HPD: variants seen among roughly 807,000 people sequenced by gnomAD.
HPD encodes the protein 4-hydroxyphenylpyruvate dioxygenase, also known as 4-hydroxyphenylpyruvic acid oxidase.
HPD carries 35 observed loss-of-function variants against 56.9 expected under a neutral mutation model. That is an observed-to-expected ratio of 0.62 (90% confidence interval 0.47 to 0.82). The LOEUF (loss-of-function observed/expected upper bound fraction) is 0.82, where lower values mean the gene tolerates loss of function less well. HPD is among the 40% of genes least tolerant of loss of function. The pLI, the probability that HPD is intolerant of heterozygous loss-of-function variation, is 0.00. For missense variants in HPD, 442 were observed against 506.8 expected (o/e 0.87, Z 1.23); for synonymous variants, 186 against 200.2 (o/e 0.93, Z 0.60).
At position 121,856,590 on chromosome 12, in the gene HPD, C is replaced by A. The variant is rs751690281; in HGVS notation, c.234G>T (p.Trp78Cys). The A allele has an allele frequency of 6.2e-7, 1 of 1,614,108 alleles. No individual in the cohort carries two copies. The highest frequency in any genetic ancestry group is 2.2e-5 in the East Asian group (1 of 44,878). Residue 78 changes from tryptophan to cysteine, a missense_variant, in exon 5 of 14, where the codon TGG (tryptophan) becomes TGT (cysteine). Physicochemically the swap from Trp to Cys is radical, Grantham distance 215. Coordinates refer to ENST00000289004, the MANE Select transcript of HPD (RefSeq NM_002150.3). ...CCTCCCCGGGCACCTCACCTTTGTTCCAGGGGTTGAGCGCTGAGGAGAGGA... is the reference window on the plus strand; with the variant it reads ...CCTCCCCGGGCACCTCACCTTTGTTACAGGGGTTGAGCGCTGAGGAGAGGA... The part of the protein sequence containing the change: ...VFVLSSALNP[W>C]NKEMGDHLVK...
chr12:121,846,043 G>T (rs1378350654), intron 11 of HPD, among the ~76,000 whole-genome samples: 1 of 152,070 alleles, frequency 6.6e-6, no homozygotes, highest in Non-Finnish European at 1.5e-5. Context: ...AGGACTACAG[G>T]CATGAACCAC....
chr12:121,843,654 T>A, intron 12 of HPD, 56 bp downstream of exon 12: 1 of 1,605,938 alleles, frequency 6.2e-7, no homozygotes, highest in Non-Finnish European at 8.5e-7. Flanking sequence ...TCTGAAAAGA[T>A]GCAATGCAGA....
chr12:121,868,513 CTTTTTTCTT>C (rs71453585), upstream of HPD, among the ~76,000 whole-genome samples: 51,214 of 135,192 alleles, frequency 0.38, 10,047 homozygotes, highest in East Asian at 0.58. Context: ...CTATTTCTTT[CTTTTTTCTT>C]TTTTTTTTTT....
rs764873672 is a variant in HPD, at chr12:121,858,664, T to A, written c.30+23A>T. On this transcript the variant is annotated intron_variant, in intron 2 of 13. Coordinates refer to ENST00000289004, the MANE Select transcript of HPD (RefSeq NM_002150.3). ...CCCCTTCTAGACTCAGGCCCCTACA[T>A]TTCCCACATTTCGCCTGCTTACCTT... 6 of 1,612,948 alleles carry A rather than the reference T, an allele frequency of 3.7e-6. No homozygotes were observed. In the Admixed American group the frequency reaches 1.0e-4, roughly 27 times the overall value.
chr12:121,854,857 C>T, intron 6 of HPD, 65 bp from the exon 7 acceptor site: 3 of 1,287,706 alleles, frequency 2.3e-6, no homozygotes, highest in Non-Finnish European at 3.4e-6. Flanking sequence ...TTGCCTGCTG[C>T]TCCTGCCTGG....
intron 2 of HPD, 71 bp downstream of exon 2, chr12:121,858,616 C>T (rs1878089993): frequency 5.6e-6 from 8 of 1,427,550 alleles, no homozygotes; most frequent in Non-Finnish European, 7.9e-6. Context: ...TCTGCTGAAA[C>T]CCCAGTCTCC....
At chr12:121,853,244 G>A (rs888782390) in intron 7 of HPD, among the ~76,000 whole-genome samples, 5 of 152,090 alleles carry the variant, frequency 3.3e-5, no homozygotes, top group African/African-American at 4.8e-5. Flanking sequence ...ATACCTAGGT[G>A]ATGGGATGAT....
chr12:121,863,223 A>T (rs982411350), upstream of HPD, among the ~76,000 whole-genome samples: 1 of 151,840 alleles, frequency 6.6e-6, no homozygotes, highest in East Asian at 1.9e-4. Flanking sequence ...GCCTCAGGTG[A>T]TCTTCCCGCC....
chr12:121,859,485 G>A (rs531620593), upstream of HPD, among the ~76,000 whole-genome samples: 2 of 152,252 alleles, frequency 1.3e-5, no homozygotes, highest in East Asian at 3.9e-4. Flanking sequence ...ACATTCCTAG[G>A]CCATGAGGTC....
At chr12:121,888,192 T>C in the HPD span, among the ~76,000 whole-genome samples, 2 of 152,158 alleles carry the variant, frequency 1.3e-5, no homozygotes, top group Non-Finnish European at 2.9e-5. Flanking sequence ...AACAGGAACA[T>C]CCAGCACCTT....
chr12:121,880,845 T>A, the HPD span, among the ~76,000 whole-genome samples: 69,646 of 151,960 alleles, frequency 0.46, 16,408 homozygotes, highest in African/African-American at 0.55. Context: ...CCCAGGCTGG[T>A]GTGCAGTGGC....
At chr12:121,847,334 A>C in intron 9 of HPD, 120 bp from the exon 10 acceptor site, 1 of 818,434 alleles carries the variant, frequency 1.2e-6, no homozygotes, top group Non-Finnish European at 2.1e-6. Context: ...TGCCACTGCC[A>C]TCATACCCAT....
chr12:121,845,120 T>C (rs1877536344), intron 11 of HPD, among the ~76,000 whole-genome samples: 1 of 148,304 alleles, frequency 6.7e-6, no homozygotes, highest in South Asian at 2.1e-4. Context: ...CACACACATA[T>C]ATATATTTGA....
intron 9 of HPD, 106 bp downstream of exon 9, chr12:121,848,893 A>T: frequency 1.1e-6 from 1 of 899,068 alleles, no homozygotes; most frequent in Non-Finnish European, 1.9e-6. Context: ...GGTGTGAGCC[A>T]CTGCACCCAG....
chr12:121,869,265 G>A, the HPD span, among the ~76,000 whole-genome samples: 9 of 151,008 alleles, frequency 6.0e-5, no homozygotes, highest in East Asian at 2.0e-4. Context: ...CAGGAGAATC[G>A]CTTGAACCTG....
chr12:121,866,797 G>A (rs951155671), upstream of HPD, among the ~76,000 whole-genome samples: 4 of 151,940 alleles, frequency 2.6e-5, no homozygotes, highest in Admixed American at 6.6e-5. Context: ...GTATTTCAGC[G>A]TACAGTTCTA....
rs756463687 is a variant in HPD at position 121,856,624 on chromosome 12, A to G, written c.200T>C (p.Ile67Thr). The change falls in exon 5 of 14, where the codon ATT (isoleucine) becomes ACT (threonine). Residue 67 changes from isoleucine to threonine, a missense_variant and splice_region_variant. Coordinates refer to ENST00000289004, the MANE Select transcript of HPD (RefSeq NM_002150.3). The part of the protein sequence containing the change: ...VVSHVIKQGK[I>T]VFVLSSALNP... ...GAGCGCTGAGGAGAGGACAAACACAATCTAAGATAGGAGGAGAAGGAGGTG... is the reference window on the plus strand; with the variant it reads ...GAGCGCTGAGGAGAGGACAAACACAGTCTAAGATAGGAGGAGAAGGAGGTG... 9.9e-6 allele frequency: 16 copies of G among 1,613,210 alleles called. No homozygotes were observed. The highest frequency in any genetic ancestry group is 1.4e-5 in the Non-Finnish European group (16 of 1,179,364).
chr12:121,872,700 T>C, the HPD span, among the ~76,000 whole-genome samples: 2 of 151,770 alleles, frequency 1.3e-5, no homozygotes, highest in Non-Finnish European at 2.9e-5. Context: ...GAACTGGCCA[T>C]ATGGATTTGC....
the HPD span, among the ~76,000 whole-genome samples, chr12:121,869,350 C>CAA: frequency 1.7e-5 from 2 of 115,494 alleles, no homozygotes; most frequent in Admixed American, 9.3e-5. Context: ...AACTTCGTCT[C>CAA]AAAAAAAAAA....
Sources: allele counts gnomAD v4.1 joint callset (sites outside exome capture counted in the v4.1 genomes callset), GRCh38; gene constraint gnomAD v4.1.1; transcripts MANE v1.5; gene names NCBI Gene and HGNC (gene_info 2026-07-23, HGNC 2026-07-21).